The following RERE variants were observed in gnomAD, a reference collection of about 807,000 sequenced individuals.
RERE encodes the protein arginine-glutamic acid dipeptide repeats protein.
RERE carries 40 observed loss-of-function variants against 146.1 expected under a neutral mutation model. The ratio of observed to expected loss-of-function variants is 0.27; its 90% CI spans 0.21 to 0.36. RERE has a LOEUF of 0.36. RERE is among the 10% of genes least tolerant of loss of function. RERE has a pLI of 1.00. For missense variants in RERE, 1,933 were observed against 2,138.7 expected (o/e 0.90, Z 1.90); for synonymous variants, 1,003 against 866.0 (o/e 1.16, Z -2.78).
intron 2 of RERE, among the ~76,000 whole-genome samples, chr1:8,630,066 A>C (rs1647017352): frequency 6.6e-6 from 1 of 152,222 alleles, no homozygotes; most frequent in Admixed American, 6.5e-5. Context: ...ACAGTCAATG[A>C]GGTACAGTAT....
In RERE at chr1:8,466,005, C is replaced by T. The variant is rs747205797; in HGVS notation, c.1123G>A (p.Asp375Asn). Reference protein sequence around the residue: ...ALNTLHESGYDAGKALQRLVK... With the variant: ...ALNTLHESGYNAGKALQRLVK... ...AGGCGCTGCAGGGCTTTGCCAGCATCGTAACCGCTTTCATGCAGCTAAAAC... is the reference window on the plus strand; with the variant it reads ...AGGCGCTGCAGGGCTTTGCCAGCATTGTAACCGCTTTCATGCAGCTAAAAC... The change falls in exon 11 of 23, where the codon GAT becomes AAT. Residue 375 changes from aspartate to asparagine, a missense_variant. Around this residue, in one of 11 missense-constraint regions of RERE, gnomAD observed 260 missense variants for 378.4 expected, o/e 0.69. Coordinates refer to ENST00000400908, the MANE Select transcript of RERE (RefSeq NM_001042681.2). 1.7e-5 allele frequency: 27 copies of T among 1,610,252 alleles called. No individual in the cohort carries two copies. In the East Asian group the frequency reaches 2.7e-4, roughly 16 times the overall value.
intron 12 of RERE, chr1:8,380,885 CGCT>C (rs1557600096): frequency 2.2e-6 from 1 of 456,746 alleles, no homozygotes; most frequent in Non-Finnish European, 4.4e-6. Flanking sequence ...AAGTGCTCAG[CGCT>C]GCTGTAACGT....
chr1:8,452,518 G>A (rs995622316), intron 11 of RERE, among the ~76,000 whole-genome samples: 1 of 147,868 alleles, frequency 6.8e-6, no homozygotes, highest in Non-Finnish European at 1.5e-5. Context: ...TTTGTACACA[G>A]AAATCAATAA....
intron 7 of RERE, among the ~76,000 whole-genome samples, chr1:8,533,158 G>C (rs1385727755): frequency 6.6e-6 from 1 of 151,450 alleles, no homozygotes; most frequent in Non-Finnish European, 1.5e-5. Flanking sequence ...GCGGAAATCT[G>C]GATGTAATGG....
At chr1:8,598,439 G>A (rs1646581808) in intron 4 of RERE, among the ~76,000 whole-genome samples, 1 of 152,202 alleles carries the variant, frequency 6.6e-6, no homozygotes, top group Non-Finnish European at 1.5e-5. Flanking sequence ...TGGGTGCTGG[G>A]TGGGTTGCAC....
intron 12 of RERE, among the ~76,000 whole-genome samples, chr1:8,383,635 T>A (rs1642531945): frequency 6.6e-6 from 1 of 151,936 alleles, no homozygotes; most frequent in African/African-American, 2.4e-5. Context: ...CTGAGGTGGG[T>A]GGATCACGAG....
At chr1:8,613,491 C>G (rs1646815760) in intron 4 of RERE, among the ~76,000 whole-genome samples, 1 of 152,146 alleles carries the variant, frequency 6.6e-6, no homozygotes, top group Non-Finnish European at 1.5e-5. Context: ...GAAAAACATA[C>G]CCAGCTCCTC....
At chr1:8,529,290 T>A (rs983838899) in intron 7 of RERE, among the ~76,000 whole-genome samples, 1 of 21,746 alleles carries the variant, frequency 4.6e-5, no homozygotes, top group African/African-American at 1.4e-4. Context: ...CTCCCTTCTT[T>A]TTTTTTTTTT....
chr1:8,502,247 C>T (rs201328736), intron 8 of RERE, among the ~76,000 whole-genome samples: 130 of 105,570 alleles, frequency 1.2e-3, no homozygotes, highest in East Asian at 1.9e-3. Flanking sequence ...CCACCCCGTC[C>T]GGGAGGTGAG....
At chr1:8,547,100 A>G (rs1645873418) in intron 6 of RERE, among the ~76,000 whole-genome samples, 1 of 151,662 alleles carries the variant, frequency 6.6e-6, no homozygotes, top group Non-Finnish European at 1.5e-5. Context: ...AAAAAAAAAA[A>G]CAAAATATTA....
chr1:8,447,345 G>C (rs968222867), intron 11 of RERE, among the ~76,000 whole-genome samples: 1 of 151,966 alleles, frequency 6.6e-6, no homozygotes, highest in African/African-American at 2.4e-5. Flanking sequence ...TGCTGGCAAG[G>C]AGCTGTACTC....
At position 8,786,966 on chromosome 1, in the gene RERE, T is replaced by C. The variant is rs112177775; in HGVS notation, c.-145+30194A>G. 1.4e-3 allele frequency: 922 copies of C among 642,098 alleles called. 5 individuals are homozygous for C. The highest frequency in any genetic ancestry group is 7.1e-3 in the African/African-American group (395 of 55,376). The allele number at this position is 642,098 out of a possible 1,614,324, so 39.8% of individuals were successfully genotyped here. A position where few individuals can be genotyped will look rare whatever the true frequency, so the allele number is the denominator to read the frequency against. ...CAGCTGGTAAAGATCGCAGTCTAAC[T>C]TTCACACAGCAGCCAAAGTGATCTT... On this transcript the variant is annotated intron_variant, in intron 1 of 22. Coordinates refer to ENST00000400908, the MANE Select transcript of RERE (RefSeq NM_001042681.2).
chr1:8,780,564 C>T (rs1237819607), intron 1 of RERE, among the ~76,000 whole-genome samples: 1 of 152,134 alleles, frequency 6.6e-6, no homozygotes, highest in Non-Finnish European at 1.5e-5. Flanking sequence ...ACCAAAATAT[C>T]AAGCCCTACT....
intron 1 of RERE, among the ~76,000 whole-genome samples, chr1:8,751,525 G>C (rs2124517165): frequency 6.6e-6 from 1 of 152,268 alleles, no homozygotes; most frequent in East Asian, 1.9e-4. Context: ...CTACACCGAA[G>C]TCAAACTTAT....
intron 1 of RERE, among the ~76,000 whole-genome samples, chr1:8,668,742 A>G (rs977373493): frequency 5.9e-5 from 9 of 152,198 alleles, no homozygotes; most frequent in African/African-American, 1.9e-4. Flanking sequence ...CTTGTAATAA[A>G]TGTACAGAAA....
intron 1 of RERE, among the ~76,000 whole-genome samples, chr1:8,713,358 C>A (rs532323973): frequency 2.0e-4 from 31 of 152,008 alleles, no homozygotes; most frequent in Admixed American, 6.5e-4. Context: ...CAAATTCTTG[C>A]AAAAAAGGCA....
At chr1:8,601,180 CG>C (rs1202142482) in intron 4 of RERE, among the ~76,000 whole-genome samples, 1 of 151,664 alleles carries the variant, frequency 6.6e-6, no homozygotes, top group Non-Finnish European at 1.5e-5. Flanking sequence ...CCACCATGCC[CG>C]GCTGTTTTGT....
At chr1:8,500,886 C>T in intron 8 of RERE, among the ~76,000 whole-genome samples, 1 of 151,318 alleles carries the variant, frequency 6.6e-6, no homozygotes, top group Admixed American at 6.6e-5. Context: ...GTGAGGAGCG[C>T]CTCTGCCTGG....
intron 1 of RERE, among the ~76,000 whole-genome samples, chr1:8,738,009 C>A (rs1346890448): frequency 6.6e-6 from 1 of 152,170 alleles, no homozygotes; most frequent in Non-Finnish European, 1.5e-5. Flanking sequence ...GCAGAATAAA[C>A]AGCTATTCAG....
Sources: allele counts gnomAD v4.1 joint callset (sites outside exome capture counted in the v4.1 genomes callset), GRCh38; gene constraint gnomAD v4.1.1; regional missense constraint gnomAD v4.1.1; transcripts MANE v1.5; gene names NCBI Gene and HGNC (gene_info 2026-07-23, HGNC 2026-07-21).